Variants in TRAF3 observed in about 807,000 individuals in gnomAD.
TRAF3 encodes the protein TNF receptor-associated factor 3.
Under a neutral mutation model 62.3 loss-of-function variants are expected in TRAF3, and 13 were observed. The observed-to-expected ratio is 0.21, with a 90% CI of 0.14 to 0.33. The LOEUF (loss-of-function observed/expected upper bound fraction) is 0.33. Among genes scored for constraint, TRAF3 ranks in the 10% least tolerant of loss-of-function variants. TRAF3 has a pLI of 1.00. For missense variants in TRAF3, 440 were observed against 741.8 expected (o/e 0.59, Z 4.73); for synonymous variants, 269 against 283.4 (o/e 0.95, Z 0.51).
intron 1 of TRAF3, among the ~76,000 whole-genome samples, chr14:102,793,136 T>A (rs1178600339): frequency 6.6e-6 from 1 of 152,050 alleles, no homozygotes. Context: ...TTGTGATATT[T>A]TTGACTTCGG....
chr14:102,860,959 T>C (rs1887644248), intron 2 of TRAF3, among the ~76,000 whole-genome samples: 1 of 152,216 alleles, frequency 6.6e-6, no homozygotes. Flanking sequence ...TTTCTCAACA[T>C]GTGGTCTTTG....
intron 2 of TRAF3, among the ~76,000 whole-genome samples, chr14:102,852,098 C>T (rs1015171161): frequency 1.3e-5 from 2 of 152,000 alleles, no homozygotes; most frequent in African/African-American, 4.8e-5. Flanking sequence ...AAGAAATTAC[C>T]TCAAAAGAAA....
chr14:102,902,093 G>A (rs1890333098), intron 10 of TRAF3, among the ~76,000 whole-genome samples: 1 of 152,374 alleles, frequency 6.6e-6, no homozygotes, highest in South Asian at 2.1e-4. Flanking sequence ...CACCCCTCCA[G>A]GTAGTGACAA....
At chr14:102,777,979 C>A (rs1897097008) in intron 1 of TRAF3, among the ~76,000 whole-genome samples, 1 of 150,468 alleles carries the variant, frequency 6.6e-6, no homozygotes, top group African/African-American at 2.4e-5. Flanking sequence ...GGAAACGGGG[C>A]GCGCAGGCCT....
intron 1 of TRAF3, among the ~76,000 whole-genome samples, chr14:102,795,552 A>G (rs985317999): frequency 1.3e-5 from 2 of 150,092 alleles, no homozygotes; most frequent in African/African-American, 4.9e-5. Context: ...GGTGTTATAT[A>G]TATACACACA....
At position 102,871,903 on chromosome 14, in the gene TRAF3, G is replaced by A. The variant is rs1033169257; in HGVS notation, c.246-14G>A. On this transcript the variant is annotated splice_polypyrimidine_tract_variant and intron_variant, in intron 3 of 11. Coordinates refer to ENST00000392745, the MANE Select transcript of TRAF3 (RefSeq NM_145725.3). ...GACTTCCACTCTAATGCAGTCACTTGTGTTTCCCTGCAGCTCTTCAAGTCC... is the reference window on the plus strand; with the variant it reads ...GACTTCCACTCTAATGCAGTCACTTATGTTTCCCTGCAGCTCTTCAAGTCC... The A allele has an allele frequency of 6.2e-7, 1 of 1,613,694 alleles. No homozygotes were observed. Among genetic ancestry groups the A allele is most frequent in the Non-Finnish European group, 8.5e-7 (1 of 1,179,708 alleles).
chr14:102,790,164 G>C (rs1321673506), intron 1 of TRAF3, among the ~76,000 whole-genome samples: 1 of 151,962 alleles, frequency 6.6e-6, no homozygotes, highest in East Asian at 1.9e-4. Context: ...TTACCTTTAG[G>C]TTTTTGATCC....
intron 4 of TRAF3, 76 bp downstream of exon 4, chr14:102,872,044 G>T (rs1888371859): frequency 1.4e-6 from 2 of 1,453,982 alleles, no homozygotes; most frequent in Middle Eastern, 1.7e-4. Flanking sequence ...TTTGCATTCG[G>T]CACTCTGGCA....
chr14:102,890,621 C>T (rs1160060583), intron 8 of TRAF3, among the ~76,000 whole-genome samples: 1 of 152,164 alleles, frequency 6.6e-6, no homozygotes, highest in Non-Finnish European at 1.5e-5. Flanking sequence ...AAAATGCTTT[C>T]TGTGGCTTCT....
In TRAF3 at chr14:102,806,059, C is replaced by T. The variant is rs1290279570; in HGVS notation, c.-156-24275C>T. Among the ~76,000 whole-genome samples, 6 of 151,302 alleles carry T rather than the reference C, an allele frequency of 4.0e-5. No homozygotes were observed. The Admixed American group carries it at 4.0e-4, about 10-fold the overall frequency. ...GTTTCGTACCCTAGGGGGCATTTTG[C>T]AGTGTCTGGAAACCTTCAGAAGTGG... On this transcript the variant is annotated intron_variant, in intron 1 of 11. Coordinates refer to ENST00000392745, the MANE Select transcript of TRAF3 (RefSeq NM_145725.3).
intron 2 of TRAF3, among the ~76,000 whole-genome samples, chr14:102,843,764 C>T (rs1886523802): frequency 6.6e-6 from 1 of 151,930 alleles, no homozygotes; most frequent in African/African-American, 2.4e-5. Flanking sequence ...GCTATGATCA[C>T]ACCACTGTAC....
chr14:102,839,835 A>G (rs1299201335), intron 2 of TRAF3, among the ~76,000 whole-genome samples: 5 of 152,200 alleles, frequency 3.3e-5, no homozygotes, highest in African/African-American at 9.7e-5. Flanking sequence ...TATATGTGGG[A>G]ACATGTACAT....
In TRAF3 at chr14:102,876,346, T is replaced by G; in HGVS notation, c.403-12T>G. On this transcript the variant is annotated splice_polypyrimidine_tract_variant and intron_variant, in intron 5 of 11. Transcript: ENST00000392745. ...TTTCCCAATTAAGAACATTGAATGG[T>G]CTGTCTTACAGGTGCATTTAAAAAA... The G allele has an allele frequency of 1.2e-6, 2 of 1,613,996 alleles. No individual in the cohort carries two copies. The highest frequency in any genetic ancestry group is 1.7e-6 in the Non-Finnish European group (2 of 1,179,904).
At position 102,872,107 on chromosome 14, in the gene TRAF3, A is replaced by T; in HGVS notation, c.297+139A>T. 5 of 866,914 alleles carry T rather than the reference A, an allele frequency of 5.8e-6. No homozygotes were observed. The South Asian group carries it at 6.9e-5, about 12-fold the overall frequency. 53.7% of individuals were successfully genotyped at this position (866,914 alleles called of 1,614,324 possible). ...GATGCGGCAGGCTCCCAGGCAGGAC[A>T]CTGTGCCATGTGATCACCTGGGCAG... On this transcript the variant is annotated intron_variant, in intron 4 of 11. Transcript: ENST00000392745.
intron 1 of TRAF3, among the ~76,000 whole-genome samples, chr14:102,797,549 A>T (rs1229260031): frequency 6.6e-6 from 1 of 152,184 alleles, no homozygotes; most frequent in Non-Finnish European, 1.5e-5. Flanking sequence ...GAGGAGTTAG[A>T]GACCAGTGGT....
At chr14:102,870,728 A>G (rs1023458453) in intron 3 of TRAF3, among the ~76,000 whole-genome samples, 2 of 152,086 alleles carry the variant, frequency 1.3e-5, no homozygotes, top group African/African-American at 4.8e-5. Context: ...TATTTTATTG[A>G]GGAACCTCAC....
At chr14:102,863,900 TC>T (rs1420061509) in intron 2 of TRAF3, among the ~76,000 whole-genome samples, 1 of 152,142 alleles carries the variant, frequency 6.6e-6, no homozygotes, top group East Asian at 1.9e-4. Flanking sequence ...CAACTGCAGT[TC>T]TTTGCCGATG....
At chr14:102,873,136 A>C (rs1381858267) in intron 4 of TRAF3, among the ~76,000 whole-genome samples, 1 of 152,222 alleles carries the variant, frequency 6.6e-6, no homozygotes, top group Non-Finnish European at 1.5e-5. Context: ...AGCACCTTGC[A>C]GATTGGGTTT....
At chr14:102,851,469 G>A (rs1167492104) in intron 2 of TRAF3, among the ~76,000 whole-genome samples, 1 of 152,210 alleles carries the variant, frequency 6.6e-6, no homozygotes, top group Non-Finnish European at 1.5e-5. Flanking sequence ...ACAGGGCCGG[G>A]CGCAGTGGCT....
Sources: gnomAD v4.1 joint callset for allele counts (sites outside exome capture counted in the v4.1 genomes callset) on GRCh38, gnomAD v4.1.1 for gene constraint, MANE v1.5 for transcripts, NCBI Gene and HGNC (gene_info 2026-07-23, HGNC 2026-07-21) for gene names.